ACYP2: variants seen among roughly 807,000 people sequenced by gnomAD.
The protein encoded by ACYP2 is acylphosphatase-2.
In ACYP2, 12 loss-of-function variants were observed where a neutral mutation model predicts 11.2. That is an observed-to-expected ratio of 1.08 (90% CI 0.69 to 1.74). The LOEUF is 1.74. Ranked by LOEUF, ACYP2 falls within the 40% of genes most tolerant of loss-of-function variation. The probability of loss-of-function intolerance (pLI) is 0.00; values close to 1 mark genes in which losing one functional copy is unlikely to be tolerated. For missense variants in ACYP2, 134 were observed against 101.9 expected (o/e 1.31, Z -1.35); for synonymous variants, 43 against 32.2 (o/e 1.33, Z -1.13).
At chr2:54,270,842 AT>A (rs1688265257) in intron 6 of ACYP2, among the ~76,000 whole-genome samples, 6 of 152,208 alleles carry the variant, frequency 3.9e-5, no homozygotes, top group Non-Finnish European at 7.3e-5. Flanking sequence ...TGGAATTTCA[AT>A]ATTTAACAAA....
At chr2:53,989,072 A>T (rs1417840532) in intron 2 of ACYP2, among the ~76,000 whole-genome samples, 1 of 151,824 alleles carries the variant, frequency 6.6e-6, no homozygotes, top group African/African-American at 2.4e-5. Context: ...AAATAACACC[A>T]TCTGAAGGCC....
chr2:54,052,870 A>C (rs1675941312), intron 3 of ACYP2, among the ~76,000 whole-genome samples: 1 of 152,222 alleles, frequency 6.6e-6, no homozygotes, highest in African/African-American at 2.4e-5. Flanking sequence ...CTAACTGGGG[A>C]GGTCTGATTG....
chr2:54,093,615 A>G (rs1414159999), intron 4 of ACYP2, among the ~76,000 whole-genome samples: 1 of 152,198 alleles, frequency 6.6e-6, no homozygotes, highest in African/African-American at 2.4e-5. Flanking sequence ...TAGTTTTCTC[A>G]TCTGTCAAGT....
At chr2:54,241,499 A>T (rs924449899) in intron 6 of ACYP2, among the ~76,000 whole-genome samples, 10 of 152,230 alleles carry the variant, frequency 6.6e-5, no homozygotes, top group African/African-American at 2.2e-4. Flanking sequence ...AAGACCTCTG[A>T]TATTGTTGTG....
chr2:54,211,853 C>A (rs373987016), intron 6 of ACYP2, among the ~76,000 whole-genome samples: 1 of 152,098 alleles, frequency 6.6e-6, no homozygotes, highest in African/African-American at 2.4e-5. Flanking sequence ...CTTGAAAGTG[C>A]AAATAGAGCA....
At chr2:54,158,065 G>C (rs897951704) in intron 6 of ACYP2, among the ~76,000 whole-genome samples, 1 of 151,490 alleles carries the variant, frequency 6.6e-6, no homozygotes, top group African/African-American at 2.4e-5. Flanking sequence ...TCACTCCAGC[G>C]CCCAGGCTGG....
intron 6 of ACYP2, among the ~76,000 whole-genome samples, chr2:54,231,695 A>G (rs1686243194): frequency 1.3e-5 from 2 of 152,242 alleles, no homozygotes; most frequent in Non-Finnish European, 2.9e-5. Flanking sequence ...GTTAACAGCT[A>G]TCACTCATTG....
rs749719946 is a variant in ACYP2, at chr2:54,138,643, CAGA to C, written c.303_305del (p.Glu101del). On this transcript the variant is annotated inframe_deletion, in exon 6 of 7. Coordinates refer to ENST00000607452, the MANE Select transcript of ACYP2 (RefSeq NM_001320586.2). ...TCTTGTTTTTTCCTGAAACAGTATACAGAAGATGAAGCTAGGAAAATAGGAGTG... is the reference window on the plus strand; with the variant it reads ...TCTTGTTTTTTCCTGAAACAGTATACAGATGAAGCTAGGAAAATAGGAGTG... 3.7e-5 allele frequency: 60 copies of C among 1,612,902 alleles called. No homozygotes were observed. Among genetic ancestry groups the C allele is most frequent in the Non-Finnish European group, 5.1e-5 (60 of 1,179,298 alleles).
intron 2 of ACYP2, among the ~76,000 whole-genome samples, chr2:54,041,240 C>T (rs1675207524): frequency 6.6e-6 from 1 of 152,164 alleles, no homozygotes; most frequent in Non-Finnish European, 1.5e-5. Context: ...AGCCATCACG[C>T]CCGGCCAGCG....
In ACYP2 at chr2:54,165,088, A is replaced by C. The variant is rs185817737; in HGVS notation, c.404+26340A>C. Among the ~76,000 whole-genome samples the C allele has an allele frequency of 7.9e-5, 12 of 151,374 alleles. No individual in the cohort carries two copies. The East Asian group carries it at 2.3e-3, about 29-fold the overall frequency. On this transcript the variant is annotated intron_variant, in intron 6 of 6. Coordinates refer to ENST00000607452, the MANE Select transcript of ACYP2 (RefSeq NM_001320586.2). ...GTATTCAATGGTGTATATGTGCTAT[A>C]TTTTTTTTTATCCAGTCTCTTATTG...
At chr2:54,032,927 A>G (rs1674666307) in intron 2 of ACYP2, among the ~76,000 whole-genome samples, 1 of 152,210 alleles carries the variant, frequency 6.6e-6, no homozygotes, top group Non-Finnish European at 1.5e-5. Context: ...AGGGACCTGA[A>G]TGAGAAGGAG....
chr2:53,975,223 C>CAA (rs11437709), intron 2 of ACYP2: 3,573 of 331,580 alleles, frequency 0.011, no homozygotes, highest in Middle Eastern at 0.017. Flanking sequence ...GACTCTGTCT[C>CAA]AAAAAAAAAA....
chr2:54,254,932 A>G, intron 6 of ACYP2: 1 of 1,610,814 alleles, frequency 6.2e-7, no homozygotes, highest in Non-Finnish European at 8.5e-7. Flanking sequence ...ACCACACTGG[A>G]ACCCAAAGGG....
At chr2:54,187,945 T>C (rs1266360910) in intron 6 of ACYP2, among the ~76,000 whole-genome samples, 2 of 152,140 alleles carry the variant, frequency 1.3e-5, no homozygotes, top group African/African-American at 4.8e-5. Flanking sequence ...CTTTTCCTCT[T>C]CTGCCATGTG....
At chr2:54,283,534 G>A (rs894711446) in intron 6 of ACYP2, among the ~76,000 whole-genome samples, 8 of 152,190 alleles carry the variant, frequency 5.3e-5, no homozygotes, top group African/African-American at 1.9e-4. Flanking sequence ...AAGACCCTGA[G>A]ACAGATTTAG....
At chr2:54,236,659 G>A (rs531137232) in intron 6 of ACYP2, among the ~76,000 whole-genome samples, 1 of 152,226 alleles carries the variant, frequency 6.6e-6, no homozygotes, top group East Asian at 1.9e-4. Flanking sequence ...ATATTCTGAT[G>A]TTTCAAGGTA....
chr2:54,127,718 A>G lies in ACYP2; in HGVS notation c.278-7735A>G, dbSNP rs1680622593. On this transcript the variant is annotated intron_variant, in intron 4 of 6. Transcript: ENST00000607452. ...AGCCGAGATCACACCATGCCACTCC[A>G]CTGCAGCCTGGGCAACAGAGCGAGA... Among the ~76,000 whole-genome samples the G allele has an allele frequency of 2.9e-5, 4 of 137,476 alleles. No individual in the cohort carries two copies. In the Admixed American group the frequency reaches 3.3e-4, roughly 11 times the overall value. 90.2% of individuals were successfully genotyped at this position (137,476 alleles called of 152,430 possible). A position where few individuals can be genotyped will look rare whatever the true frequency, so the allele number is the denominator to read the frequency against.
At chr2:54,118,287 C>T (rs1156853750) in intron 4 of ACYP2, among the ~76,000 whole-genome samples, 3 of 152,102 alleles carry the variant, frequency 2.0e-5, no homozygotes, top group South Asian at 2.1e-4. Context: ...ATGTAAAATA[C>T]GAAAGTGGTG....
intron 4 of ACYP2, among the ~76,000 whole-genome samples, chr2:54,087,867 T>A (rs1326414078): frequency 6.6e-6 from 1 of 151,890 alleles, no homozygotes; most frequent in East Asian, 1.9e-4. Flanking sequence ...AACATGAAAT[T>A]TACAAAGGAA....
Sources: gnomAD v4.1 joint callset for allele counts (sites outside exome capture counted in the v4.1 genomes callset) on GRCh38, gnomAD v4.1.1 for gene constraint, MANE v1.5 for transcripts, NCBI Gene and HGNC (gene_info 2026-07-23, HGNC 2026-07-21) for gene names.